DCBLD1: variants seen among roughly 807,000 people sequenced by gnomAD.
DCBLD1 encodes the protein discoidin, CUB and LCCL domain-containing protein 1.
Under a neutral mutation model 71.5 loss-of-function variants are expected in DCBLD1, and 57 were observed. That is an observed-to-expected ratio of 0.80 (90% CI 0.64 to 0.99). The LOEUF is 0.99. Among genes scored for constraint, DCBLD1 ranks in the 50% least tolerant of loss-of-function variants. The probability of loss-of-function intolerance (pLI) is 0.00; values close to 1 mark genes in which losing one functional copy is unlikely to be tolerated. For missense variants in DCBLD1, 891 were observed against 923.5 expected (o/e 0.96, Z 0.46); for synonymous variants, 380 against 363.8 (o/e 1.04, Z -0.51).
intron 1 of DCBLD1, among the ~76,000 whole-genome samples, chr6:117,483,691 T>C (rs1776984990): frequency 6.9e-6 from 1 of 144,600 alleles, no homozygotes; most frequent in Admixed American, 6.8e-5. Flanking sequence ...TTCGTCCTCA[T>C]TAATTAGTGC....
At chr6:117,567,990 A>T (rs1409110928) in intron 14 of DCBLD1, among the ~76,000 whole-genome samples, 1 of 149,178 alleles carries the variant, frequency 6.7e-6, no homozygotes, top group Non-Finnish European at 1.5e-5. Flanking sequence ...CAGGAATTCT[A>T]GACCAGCCTG....
chr6:117,497,568 C>T (rs1777512149), intron 1 of DCBLD1, among the ~76,000 whole-genome samples: 2 of 152,162 alleles, frequency 1.3e-5, no homozygotes, highest in African/African-American at 4.8e-5. Flanking sequence ...GAGACCTATC[C>T]ATTAATTTCA....
At chr6:117,494,965 A>G (rs17574269) in intron 1 of DCBLD1, 4,654 of 152,284 alleles carry the variant, frequency 0.031, 83 homozygotes, top group Non-Finnish European at 0.038. Flanking sequence ...GCTTCACTAT[A>G]CACTGTAAGG....
At chr6:117,529,768 A>T (rs2114516651) in intron 5 of DCBLD1, among the ~76,000 whole-genome samples, 1 of 152,340 alleles carries the variant, frequency 6.6e-6, no homozygotes, top group African/African-American at 2.4e-5. Context: ...TTGGAGATGT[A>T]TCCTATAGCC....
intron 1 of DCBLD1, among the ~76,000 whole-genome samples, chr6:117,486,068 A>C (rs1167797856): frequency 6.6e-6 from 1 of 152,228 alleles, no homozygotes; most frequent in Non-Finnish European, 1.5e-5. Flanking sequence ...TAATGTCCCA[A>C]ACTGTTTTTA....
At chr6:117,502,683 G>A (rs1374082831) in intron 1 of DCBLD1, among the ~76,000 whole-genome samples, 2 of 151,980 alleles carry the variant, frequency 1.3e-5, no homozygotes, top group East Asian at 3.8e-4. Flanking sequence ...ACCTTTGAGA[G>A]TTCCTTCTTC....
chr6:117,488,130 G>A (rs1196280117), intron 1 of DCBLD1, among the ~76,000 whole-genome samples: 2 of 152,154 alleles, frequency 1.3e-5, no homozygotes, highest in East Asian at 1.9e-4. Flanking sequence ...TAAGATCCAT[G>A]AAAGCAGAGA....
chr6:117,540,373 G>C, intron 9 of DCBLD1: 1 of 288,000 alleles, frequency 3.5e-6, no homozygotes, highest in South Asian at 5.0e-5. Flanking sequence ...GAGGTTGCTT[G>C]TCTATAGCAC....
chr6:117,558,392 C>G (rs1779523332), intron 14 of DCBLD1, among the ~76,000 whole-genome samples: 1 of 152,200 alleles, frequency 6.6e-6, no homozygotes, highest in South Asian at 2.1e-4. Context: ...GTCTGCATCA[C>G]TGACCCTCCT....
chr6:117,504,215 G>T (rs918423546), intron 2 of DCBLD1, among the ~76,000 whole-genome samples: 2 of 152,174 alleles, frequency 1.3e-5, no homozygotes, highest in Non-Finnish European at 2.9e-5. Flanking sequence ...TAGAGTTTCA[G>T]TGCTGCTAGG....
intron 14 of DCBLD1, chr6:117,561,905 C>CA (rs1381522406): frequency 3.9e-5 from 8 of 205,960 alleles, no homozygotes; most frequent in Non-Finnish European, 6.0e-5. Flanking sequence ...CTGGGAAAGC[C>CA]AAAAAAAATG....
In DCBLD1 at chr6:117,510,730, C is replaced by T. The variant is rs561009152; in HGVS notation, c.325+6751C>T. ...AAAGAGAAATTGGAGTGTCATTATT[C>T]ACACTGTAGGGAAATTTACACTAAG... On this transcript the variant is annotated intron_variant, in intron 2 of 14. Coordinates refer to ENST00000338728, the MANE Select transcript of DCBLD1 (RefSeq NM_001366458.2). 1.6e-4 allele frequency among the ~76,000 whole-genome samples: 24 copies of T among 152,274 alleles called. No individual in the cohort carries two copies. In the South Asian group the frequency reaches 4.6e-3, roughly 29 times the overall value.
chr6:117,482,854 G>T lies in DCBLD1; in HGVS notation c.73G>T (p.Ala25Ser). The change falls in exon 1 of 15, where the codon GCG becomes TCG. Residue 25 changes from alanine to serine, a missense_variant. Coordinates refer to ENST00000338728, the MANE Select transcript of DCBLD1 (RefSeq NM_001366458.2). The stretch of plus-strand genomic sequence containing the variant: ...GCGGGGCCTCCTGGCTTTGCTGCTC[G>T]CGGTCTCCGCCCCGCTCCGGCTGCA... The part of the protein sequence containing the change: ...AGRGLLALLL[A>S]VSAPLRLQAE... 1 of 1,184,102 alleles carries T rather than the reference G, an allele frequency of 8.4e-7. No homozygotes were observed. Among genetic ancestry groups the T allele is most frequent in the Non-Finnish European group, 1.0e-6 (1 of 957,748 alleles). The allele number at this position is 1,184,102 out of a possible 1,614,324, so 73.3% of individuals were successfully genotyped here. A position where few individuals can be genotyped will look rare whatever the true frequency, so the allele number is the denominator to read the frequency against.
intron 1 of DCBLD1, among the ~76,000 whole-genome samples, chr6:117,489,540 C>A (rs887070547): frequency 3.3e-5 from 5 of 151,924 alleles, no homozygotes; most frequent in African/African-American, 1.2e-4. Context: ...TCTGTGTTAC[C>A]CCCATACCAC....
intron 8 of DCBLD1, 33 bp downstream of exon 8, chr6:117,538,868 A>G (rs1253780034): frequency 1.9e-6 from 3 of 1,585,820 alleles, no homozygotes; most frequent in African/African-American, 1.3e-5. Context: ...CAAGTGCAGG[A>G]GTAGTTTCAT....
chr6:117,504,528 TGGTAGGGAG>T (rs1358372720), intron 2 of DCBLD1, among the ~76,000 whole-genome samples: 1 of 152,166 alleles, frequency 6.6e-6, no homozygotes, highest in Non-Finnish European at 1.5e-5. Context: ...TCAAATGGGA[TGGTAGGGAG>T]GCATCATCAG....
intron 10 of DCBLD1, 44 bp downstream of exon 10, chr6:117,540,859 AT>A (rs771340923): frequency 7.4e-6 from 12 of 1,611,210 alleles, no homozygotes; most frequent in African/African-American, 1.3e-5. Context: ...GTTTGGTCAT[AT>A]TTTTTTTCGC....
chr6:117,546,442 C>A (rs551561054), intron 14 of DCBLD1, among the ~76,000 whole-genome samples: 1 of 152,116 alleles, frequency 6.6e-6, no homozygotes, highest in East Asian at 1.9e-4. Context: ...TCCCAGGTGA[C>A]GCCTGTGCAC....
downstream of DCBLD1, among the ~76,000 whole-genome samples, chr6:117,552,367 C>T (rs1008701356): frequency 1.3e-5 from 2 of 152,184 alleles, no homozygotes; most frequent in African/African-American, 4.8e-5. Context: ...TCTGCCCAAT[C>T]TGAAGTCATC....
Sources: allele counts gnomAD v4.1 joint callset (sites outside exome capture counted in the v4.1 genomes callset), GRCh38; gene constraint gnomAD v4.1.1; transcripts MANE v1.5; gene names NCBI Gene and HGNC (gene_info 2026-07-23, HGNC 2026-07-21).